The following TUBA3C variants were observed in gnomAD, a reference collection of about 807,000 sequenced individuals.
The protein encoded by TUBA3C is tubulin alpha-3C chain.
A neutral mutation model predicts 33.4 loss-of-function variants in TUBA3C; 23 were observed. That is an observed-to-expected ratio of 0.69 (90% confidence interval 0.50 to 0.98). The LOEUF is 0.98. Among genes scored for constraint, TUBA3C ranks in the 50% least tolerant of loss-of-function variants. TUBA3C has a pLI of 0.00. For missense variants in TUBA3C, 402 were observed against 616.0 expected (o/e 0.65, Z 3.68); for synonymous variants, 269 against 250.4 (o/e 1.07, Z -0.70).
chr13:19,174,641 G>C (rs1007884883), intron 4 of TUBA3C, among the ~76,000 whole-genome samples: 1 of 151,632 alleles, frequency 6.6e-6, no homozygotes, highest in Non-Finnish European at 1.5e-5. Flanking sequence ...GTCTCATGTA[G>C]GGTTTGATTT....
rs1365804311 is a variant in TUBA3C at position 19,181,777 on chromosome 13, G to GCTA, written c.-33_-31dup. The GCTA allele has an allele frequency of 6.2e-7, 1 of 1,600,952 alleles. No homozygotes were observed. Among genetic ancestry groups the GCTA allele is most frequent in the Non-Finnish European group, 8.5e-7 (1 of 1,178,950 alleles). ...AGCTCCTCCGCTGCCGCAGCCCAAC[G>GCTA]CTACTACTTGACCTCAACCGCCGCT... is the stretch of plus-strand genomic sequence containing the variant. On this transcript the variant is annotated 5_prime_UTR_variant, in exon 1 of 5. Coordinates refer to ENST00000400113, the MANE Select transcript of TUBA3C (RefSeq NM_006001.3).
At position 19,176,804 on chromosome 13, in the gene TUBA3C, C is replaced by T. The variant is rs138964385; in HGVS notation, c.1056+123G>A. On this transcript the variant is annotated intron_variant, in intron 4 of 4. Transcript: ENST00000400113. ...TCACTCTGGTTCACTAATTGATGCC[C>T]ACATGCCTAGCCCATGGAATAGGGG... The T allele has an allele frequency of 8.8e-5, 84 of 959,010 alleles. No homozygotes were observed. The African/African-American group carries it at 1.1e-3, about 13-fold the overall frequency. The allele number at this position is 959,010 out of a possible 1,614,324, so 59.4% of individuals were successfully genotyped here.
At chr13:19,179,631 A>G in intron 1 of TUBA3C, 68 bp from the exon 2 acceptor site, 1 of 1,521,994 alleles carries the variant, frequency 6.6e-7, no homozygotes, top group Admixed American at 2.1e-5. Flanking sequence ...GGTATGCAAA[A>G]TATTATAATT....
intron 1 of TUBA3C, 123 bp from the exon 2 acceptor site, chr13:19,179,686 T>C: frequency 7.4e-7 from 1 of 1,348,324 alleles, no homozygotes; most frequent in Non-Finnish European, 9.9e-7. Flanking sequence ...TCACAATTGA[T>C]ATTTCCTAGG....
intron 2 of TUBA3C, among the ~76,000 whole-genome samples, chr13:19,178,739 G>T (rs1869292911): frequency 6.6e-6 from 1 of 152,114 alleles, no homozygotes; most frequent in Non-Finnish European, 1.5e-5. Context: ...TACATCGAAG[G>T]CTGTAAGTTA....
intron 3 of TUBA3C, among the ~76,000 whole-genome samples, chr13:19,178,037 G>A (rs941717077): frequency 3.9e-5 from 6 of 152,100 alleles, no homozygotes; most frequent in African/African-American, 1.4e-4. Flanking sequence ...AGTAAAGACA[G>A]GGTTTCACCA....
intron 1 of TUBA3C, 75 bp downstream of exon 1, chr13:19,181,670 C>G (rs1869423601): frequency 9.4e-6 from 15 of 1,594,404 alleles, no homozygotes; most frequent in African/African-American, 1.3e-5. Flanking sequence ...ATCCCTCCAT[C>G]CAGCCACCTC....
chr13:19,178,145 C>A (rs767267654), intron 3 of TUBA3C, 101 bp downstream of exon 3: 1 of 1,535,122 alleles, frequency 6.5e-7, no homozygotes, highest in Admixed American at 1.9e-5. Context: ...CAGACCCAGC[C>A]AACGCACTGG....
chr13:19,176,757 A>AAAAAAAAAAC (rs1869196718), intron 4 of TUBA3C, among the ~76,000 whole-genome samples, 170 bp downstream of exon 4: 1 of 144,834 alleles, frequency 6.9e-6, no homozygotes, highest in Non-Finnish European at 1.5e-5. Context: ...AAAAAAAAAA[A>AAAAAAAAAAC]AAGACATCAC....
chr13:19,179,632 T>C (rs1375771072), intron 1 of TUBA3C, 69 bp from the exon 2 acceptor site: 1 of 1,507,278 alleles, frequency 6.6e-7, no homozygotes, highest in Non-Finnish European at 8.9e-7. Flanking sequence ...GTATGCAAAA[T>C]ATTATAATTT....
At chr13:19,174,244 C>A in intron 4 of TUBA3C, 85 bp from the exon 5 acceptor site, 1 of 1,499,806 alleles carries the variant, frequency 6.7e-7, no homozygotes. Context: ...AGAAGACACC[C>A]TGTAGGTGAA....
At chr13:19,178,139 C>A in intron 3 of TUBA3C, 107 bp downstream of exon 3, 1 of 1,523,136 alleles carries the variant, frequency 6.6e-7, no homozygotes, top group Middle Eastern at 1.8e-4. Flanking sequence ...AGCCACCAGA[C>A]CCAGCCAACG....
chr13:19,174,977 G>A (rs36216656), intron 4 of TUBA3C, among the ~76,000 whole-genome samples: 9,069 of 152,064 alleles, frequency 0.06, 408 homozygotes, highest in African/African-American at 0.11. Flanking sequence ...GGCCGGGCAC[G>A]GTGACCCACA....
chr13:19,180,639 C>T (rs545717580), intron 1 of TUBA3C, among the ~76,000 whole-genome samples: 8 of 152,150 alleles, frequency 5.3e-5, no homozygotes, highest in Non-Finnish European at 1.0e-4. Context: ...GTAGCTGGGA[C>T]TACAGGCCAC....
chr13:19,179,304 T>G (rs1180434133), intron 2 of TUBA3C, 37 bp downstream of exon 2: 1 of 1,612,260 alleles, frequency 6.2e-7, no homozygotes, highest in Admixed American at 1.7e-5. Context: ...TCTCCCACCC[T>G]CCTAAGAAAG....
chr13:19,174,296 T>C, intron 4 of TUBA3C, 137 bp from the exon 5 acceptor site: 1 of 1,304,646 alleles, frequency 7.7e-7, no homozygotes, highest in Non-Finnish European at 1.0e-6. Flanking sequence ...CACTAAGCCC[T>C]TCTCTGTGCC....
At chr13:19,178,165 T>A in intron 3 of TUBA3C, 81 bp downstream of exon 3, 1 of 1,576,430 alleles carries the variant, frequency 6.3e-7, no homozygotes, top group South Asian at 1.2e-5. Flanking sequence ...GTCTAGGTTT[T>A]GACAAAATGA....
Position 19,177,577 on chromosome 13 carries a change from G to A in TUBA3C, c.406C>T (p.Leu136Phe), listed in dbSNP as rs1869242670. ...ADLCTGLQGF[L>F]IFHSFGGGTG... ...CCACCCCCAAAACTGTGGAAGATGA[G>A]GAAGCCCTGCAGTCCCGTGCACAGA... is the stretch of plus-strand genomic sequence containing the variant. Residue 136 changes from leucine to phenylalanine, a missense_variant, in exon 4 of 5, where the codon CTC (leucine) becomes TTC (phenylalanine). Transcript: ENST00000400113. The surrounding 1 kb of genome is among the most constrained non-coding windows in gnomAD (Gnocchi z 5.0). The A allele has an allele frequency of 2.5e-6, 4 of 1,606,458 alleles. No homozygotes were observed. The highest frequency in any genetic ancestry group is 3.4e-6 in the Non-Finnish European group (4 of 1,176,550).
chr13:19,180,913 G>A (rs1329749965), intron 1 of TUBA3C, among the ~76,000 whole-genome samples: 3 of 150,150 alleles, frequency 2.0e-5, no homozygotes, highest in African/African-American at 2.5e-5. Flanking sequence ...AGCCGTGATC[G>A]TGCAACTGTG....
Sources: allele counts gnomAD v4.1 joint callset (sites outside exome capture counted in the v4.1 genomes callset), GRCh38; gene constraint gnomAD v4.1.1; non-coding constraint Gnocchi (gnomAD v3.1); transcripts MANE v1.5; gene names NCBI Gene and HGNC (gene_info 2026-07-23, HGNC 2026-07-21).